MAP1S: variants seen among roughly 807,000 people sequenced by gnomAD.
MAP1S encodes the protein microtubule-associated protein 1S.
MAP1S carries 27 observed loss-of-function variants against 60.9 expected under a neutral mutation model. The ratio of observed to expected loss-of-function variants is 0.44; its 90% CI spans 0.33 to 0.61. MAP1S has a LOEUF of 0.61. Ranked by LOEUF, MAP1S falls within the 20% of genes least tolerant of loss-of-function variation. MAP1S has a pLI of 0.03. For missense variants in MAP1S, 1,608 were observed against 1,486.6 expected (o/e 1.08, Z -1.34); for synonymous variants, 826 against 694.2 (o/e 1.19, Z -2.98).
At position 17,727,749 on chromosome 19, in the gene MAP1S, G is replaced by A. The variant is rs977853009; in HGVS notation, c.2365G>A (p.Glu789Lys). Residue 789 changes from glutamate to lysine, a missense_variant, in exon 5 of 7, where the codon GAG (glutamate) becomes AAG (lysine). By Grantham distance (56) the Glu-to-Lys change is moderately conservative. Around this residue, in one of 4 missense-constraint regions of MAP1S, gnomAD observed 1,167 missense variants for 961.4 expected, o/e 1.21. Coordinates refer to ENST00000324096, the MANE Select transcript of MAP1S (RefSeq NM_018174.6). The surrounding 1 kb of genome is among the most constrained non-coding windows in gnomAD (Gnocchi z 4.1). Reference protein sequence around the residue: ...AEETPPTSVSESLPTLSDSDP... With the variant: ...AEETPPTSVSKSLPTLSDSDP... ...GGAGACGCCACCCACATCGGTCAGCGAGTCCCTGCCCACCCTGTCTGACTC... is the reference window on the plus strand; with the variant it reads ...GGAGACGCCACCCACATCGGTCAGCAAGTCCCTGCCCACCCTGTCTGACTC... The A allele has an allele frequency of 1.9e-6, 3 of 1,606,828 alleles. No homozygotes were observed. Among genetic ancestry groups the A allele is most frequent in the Non-Finnish European group, 2.6e-6 (3 of 1,176,376 alleles).
Position 17,726,962 on chromosome 19 carries a change from G to C in MAP1S, c.1578G>C (p.Lys526Asn). Reference protein sequence around the residue: ...EKEAKTPRELKKDPKPSVSRT... With the variant: ...EKEAKTPRELNKDPKPSVSRT... Reference sequence around the variant, plus strand: ...AAGCCAAGACCCCCCGGGAGTTGAAGAAAGACCCCAAACCGAGTGTCTCCC... The same window carrying C: ...AAGCCAAGACCCCCCGGGAGTTGAACAAAGACCCCAAACCGAGTGTCTCCC... The change falls in exon 5 of 7, where the codon AAG (lysine) becomes AAC (asparagine). Residue 526 changes from lysine (K) to asparagine (N), a missense_variant. Coordinates refer to ENST00000324096, the MANE Select transcript of MAP1S (RefSeq NM_018174.6). The C allele has an allele frequency of 6.4e-7, 1 of 1,574,442 alleles. No individual in the cohort carries two copies. Among genetic ancestry groups the C allele is most frequent in the Non-Finnish European group, 8.6e-7 (1 of 1,160,726 alleles).
intron 1 of MAP1S, 72 bp downstream of exon 1, chr19:17,719,692 G>C (rs1415775916): frequency 1.3e-6 from 1 of 787,612 alleles, no homozygotes; most frequent in African/African-American, 2.5e-5. Flanking sequence ...CGGGGCCGGC[G>C]GGGTGGGGCG....
rs2080437594 is a variant in MAP1S at position 17,727,085 on chromosome 19, C to G, written c.1701C>G (p.Ser567Arg). 4 of 1,604,544 alleles carry G rather than the reference C, an allele frequency of 2.5e-6. No individual in the cohort carries two copies. The highest frequency in any genetic ancestry group is 3.4e-5 in the Admixed American group (2 of 59,422). ...QAAPKPRKAPSTSHSGFPPVA... is the reference protein window; with the variant it reads ...QAAPKPRKAPRTSHSGFPPVA... Reference sequence around the variant, plus strand: ...CACCCAAGCCCCGCAAAGCGCCCAGCACGTCCCACTCTGGCTTCCCGCCGG... The same window carrying G: ...CACCCAAGCCCCGCAAAGCGCCCAGGACGTCCCACTCTGGCTTCCCGCCGG... The change falls in exon 5 of 7, where the codon AGC becomes AGG. Residue 567 changes from serine to arginine, a missense_variant. Coordinates refer to ENST00000324096, the MANE Select transcript of MAP1S (RefSeq NM_018174.6). This position sits in a 1 kb window ranked among gnomAD's most constrained non-coding sequence, Gnocchi z 4.1.
At chr19:17,720,185 T>G in intron 1 of MAP1S, 1 of 1,348,666 alleles carries the variant, frequency 7.4e-7, no homozygotes, top group South Asian at 1.8e-5. Flanking sequence ...CAGGTTCACC[T>G]GCAGCCACTT....
intron 5 of MAP1S, among the ~76,000 whole-genome samples, chr19:17,728,518 G>A (rs986453799): frequency 4.6e-5 from 7 of 151,908 alleles, no homozygotes; most frequent in Non-Finnish European, 7.4e-5. Flanking sequence ...CAAAGTGTTG[G>A]GATGACTGGC....
In MAP1S at chr19:17,725,688, C is replaced by T. The variant is rs1172877676; in HGVS notation, c.445-141C>T. Reference sequence around the variant, plus strand: ...GGCCAGATCAAAGAGCCTTGTGGCGCTGGAGAGGGTTGGGTTTTGGCGGGA... The same window carrying T: ...GGCCAGATCAAAGAGCCTTGTGGCGTTGGAGAGGGTTGGGTTTTGGCGGGA... On this transcript the variant is annotated intron_variant, in intron 4 of 6. Coordinates refer to ENST00000324096, the MANE Select transcript of MAP1S (RefSeq NM_018174.6). The surrounding 1 kb of genome is among the most constrained non-coding windows in gnomAD (Gnocchi z 4.2). 2.6e-6 allele frequency: 2 copies of T among 770,982 alleles called. No homozygotes were observed. The highest frequency in any genetic ancestry group is 5.3e-5 in the East Asian group (2 of 38,004). 47.8% of individuals were successfully genotyped at this position (770,982 alleles called of 1,614,324 possible).
At chr19:17,724,307 C>T (rs1161410238) in intron 3 of MAP1S, 99 bp downstream of exon 3, 1 of 946,204 alleles carries the variant, frequency 1.1e-6, no homozygotes, top group African/African-American at 1.6e-5. Flanking sequence ...GCCCCAGATC[C>T]TCTCAAGACA....
chr19:17,727,450 C>G lies in MAP1S; in HGVS notation c.2066C>G (p.Pro689Arg), dbSNP rs1277270839. 2.5e-6 allele frequency: 4 copies of G among 1,603,584 alleles called. No homozygotes were observed. Among genetic ancestry groups the G allele is most frequent in the African/African-American group, 1.3e-5 (1 of 74,696 alleles). ...TPSLPAEVGS[P>R]HSTEVDESLS... ...TCACTACCCGCAGAGGTGGGCTCCC[C>G]GCACTCGACCGAGGTGGACGAGTCC... Residue 689 changes from proline to arginine, a missense_variant, in exon 5 of 7, where the codon CCG becomes CGG. Coordinates refer to ENST00000324096, the MANE Select transcript of MAP1S (RefSeq NM_018174.6). This position sits in a 1 kb window ranked among gnomAD's most constrained non-coding sequence, Gnocchi z 4.1.
chr19:17,733,484 A>C, intron 6 of MAP1S, 56 bp downstream of exon 6: 2 of 1,363,080 alleles, frequency 1.5e-6, no homozygotes, highest in Admixed American at 2.6e-5. Context: ...GATGGGTAAA[A>C]CCACCCTCGA....
intron 1 of MAP1S, chr19:17,720,315 C>T (rs964985421): frequency 4.0e-5 from 58 of 1,466,710 alleles, no homozygotes; most frequent in Non-Finnish European, 4.6e-5. Context: ...GGAACACGCA[C>T]CTCGGTTCAT....
At position 17,721,025 on chromosome 19, in the gene MAP1S, A is replaced by C. The variant is rs768190861; in HGVS notation, c.208A>C (p.Ser70Arg). 3 of 1,613,842 alleles carry C rather than the reference A, an allele frequency of 1.9e-6. No homozygotes were observed. The highest frequency in any genetic ancestry group is 1.3e-5 in the African/African-American group (1 of 74,860). Residue 70 changes from serine (S) to arginine (R), a missense_variant, in exon 2 of 7, where the codon AGC becomes CGC. Physicochemically the swap from Ser to Arg is moderately radical, Grantham distance 110 (BLOSUM62 -1). This residue lies in a region of MAP1S where 320 missense variants were observed against 393.1 expected (regional missense o/e 0.81). Coordinates refer to ENST00000324096, the MANE Select transcript of MAP1S (RefSeq NM_018174.6). The stretch of plus-strand genomic sequence containing the variant: ...GTCCCGACACTCTGCCACCTTCTCC[A>C]GCATTGTGAAAGGTGAGGCTGGGGT... ...FVSRHSATFS[S>R]IVKGQRSLHH...
intron 6 of MAP1S, among the ~76,000 whole-genome samples, chr19:17,733,656 T>C (rs1263529215): frequency 1.3e-5 from 2 of 152,188 alleles, no homozygotes; most frequent in African/African-American, 2.4e-5. Flanking sequence ...CAGGGCCTCG[T>C]GAAGCCTCAT....
At chr19:17,732,779 G>A (rs6512218) in intron 5 of MAP1S, among the ~76,000 whole-genome samples, 13,942 of 152,206 alleles carry the variant, frequency 0.092, 2,139 homozygotes, top group African/African-American at 0.32. Context: ...AGCATTCCCT[G>A]ATTGCCACCC....
chr19:17,720,135 G>T, intron 1 of MAP1S: 1 of 1,293,686 alleles, frequency 7.7e-7, no homozygotes, highest in Non-Finnish European at 9.8e-7. Flanking sequence ...CCTGCCCTGG[G>T]GATTTGGCAC....
At position 17,725,325 on chromosome 19, in the gene MAP1S, A is replaced by T; in HGVS notation, c.444+136A>T. On this transcript the variant is annotated intron_variant, in intron 4 of 6. Transcript: ENST00000324096. The surrounding 1 kb of genome is among the most constrained non-coding windows in gnomAD (Gnocchi z 4.2). ...TCCTCTGTAGGATGGCAGTGGTGAC[A>T]CATGCCTCCTGGCTGTCTGGGGTCA... 9.4e-7 allele frequency: 1 copy of T among 1,062,540 alleles called. No individual in the cohort carries two copies. The highest frequency in any genetic ancestry group is 1.6e-5 in the South Asian group (1 of 62,016). 65.8% of individuals were successfully genotyped at this position (1,062,540 alleles called of 1,614,324 possible). A position where few individuals can be genotyped will look rare whatever the true frequency, so the allele number is the denominator to read the frequency against.
chr19:17,721,126 C>G, intron 2 of MAP1S, 89 bp downstream of exon 2: 2 of 991,592 alleles, frequency 2.0e-6, no homozygotes. Flanking sequence ...TGGGATGCAG[C>G]TATAAATAAC....
chr19:17,730,185 G>A (rs971117461), intron 5 of MAP1S, among the ~76,000 whole-genome samples: 9 of 152,158 alleles, frequency 5.9e-5, no homozygotes, highest in African/African-American at 2.2e-4. Context: ...ATGGGTGTGA[G>A]GTGGGATCTC....
intron 2 of MAP1S, among the ~76,000 whole-genome samples, chr19:17,722,453 A>ACT (rs1555704550): frequency 6.6e-5 from 10 of 150,890 alleles, no homozygotes; most frequent in South Asian, 4.2e-4. Context: ...CCCTGTCTCA[A>ACT]AAAAATAAAC....
chr19:17,729,335 A>G (rs1328660581), intron 5 of MAP1S, among the ~76,000 whole-genome samples: 1 of 151,762 alleles, frequency 6.6e-6, no homozygotes, highest in East Asian at 1.9e-4. Flanking sequence ...CACACTCTAG[A>G]CTCCCCAAAA....
Sources: allele counts gnomAD v4.1 joint callset (sites outside exome capture counted in the v4.1 genomes callset), GRCh38; gene constraint gnomAD v4.1.1; regional missense constraint gnomAD v4.1.1; non-coding constraint Gnocchi (gnomAD v3.1); transcripts MANE v1.5; gene names NCBI Gene and HGNC (gene_info 2026-07-23, HGNC 2026-07-21).